Variants in CRIM1 observed in about 807,000 individuals in gnomAD.
The protein encoded by CRIM1 is cysteine-rich motor neuron 1 protein.
Under a neutral mutation model 116.4 loss-of-function variants are expected in CRIM1, and 32 were observed. The ratio of observed to expected loss-of-function variants is 0.27; its 90% CI spans 0.21 to 0.37. The LOEUF is 0.37. CRIM1 is among the 10% of genes least tolerant of loss of function. CRIM1 has a pLI of 1.00. For synonymous variants in CRIM1, 590 were observed against 509.2 expected (o/e 1.16, Z -2.13); for missense variants, 1,331 against 1,354.8 (o/e 0.98, Z 0.28).
intron 5 of CRIM1, among the ~76,000 whole-genome samples, chr2:36,475,563 TTTTAA>T (rs924988298): frequency 6.6e-6 from 1 of 152,250 alleles, no homozygotes; most frequent in Admixed American, 6.5e-5. Flanking sequence ...ATCTGGATGC[TTTTAA>T]TTTATTTATT....
chr2:36,511,450 G>C (rs1231956383), intron 9 of CRIM1, among the ~76,000 whole-genome samples: 1 of 152,146 alleles, frequency 6.6e-6, no homozygotes, highest in Non-Finnish European at 1.5e-5. Context: ...ATAAGAATAT[G>C]ATGTCAATAA....
chr2:36,359,493 G>C (rs2148270783), intron 1 of CRIM1, among the ~76,000 whole-genome samples: 1 of 152,268 alleles, frequency 6.6e-6, no homozygotes, highest in East Asian at 1.9e-4. Context: ...GCCCCTTTCA[G>C]CTTGTGGCTC....
In CRIM1 at chr2:36,356,754, C is replaced by A; in HGVS notation, c.331+131C>A. The A allele has an allele frequency of 1.1e-6, 1 of 876,780 alleles. No individual in the cohort carries two copies. Among genetic ancestry groups the A allele is most frequent in the Non-Finnish European group, 1.7e-6 (1 of 588,462 alleles). The allele number at this position is 876,780 out of a possible 1,614,324, so 54.3% of individuals were successfully genotyped here. A position where few individuals can be genotyped will look rare whatever the true frequency, so the allele number is the denominator to read the frequency against. ...TCTGCGGGAAGAGGGGCGGCCGCCG[C>A]CCCCAGGAGAGTGCCCCCGCGGCCC... On this transcript the variant is annotated intron_variant, in intron 1 of 16. Transcript: ENST00000280527. The surrounding 1 kb of genome is among the most constrained non-coding windows in gnomAD (Gnocchi z 4.3).
At chr2:36,523,223 C>G (rs1352002245) in intron 13 of CRIM1, among the ~76,000 whole-genome samples, 1 of 152,140 alleles carries the variant, frequency 6.6e-6, no homozygotes, top group Non-Finnish European at 1.5e-5. Context: ...TTGCTGCTGC[C>G]TTGAGATCAA....
chr2:36,421,578 A>T (rs893306397), intron 2 of CRIM1, among the ~76,000 whole-genome samples: 3 of 152,234 alleles, frequency 2.0e-5, no homozygotes, highest in African/African-American at 7.2e-5. Flanking sequence ...ACTCAGGGAA[A>T]GGGAATTACC....
chr2:36,501,843 G>A (rs1048851330), intron 8 of CRIM1, among the ~76,000 whole-genome samples: 1 of 152,144 alleles, frequency 6.6e-6, no homozygotes, highest in East Asian at 1.9e-4. Flanking sequence ...TTCTGTTCGG[G>A]GAAGGGTCAG....
chr2:36,452,947 C>T (rs555030127), intron 4 of CRIM1, among the ~76,000 whole-genome samples: 1 of 152,336 alleles, frequency 6.6e-6, no homozygotes, highest in South Asian at 2.1e-4. Flanking sequence ...TCTCTCCATA[C>T]CCTCTTTTGC....
intron 1 of CRIM1, among the ~76,000 whole-genome samples, chr2:36,362,371 C>T (rs1669281487): frequency 6.6e-6 from 1 of 152,138 alleles, no homozygotes; most frequent in African/African-American, 2.4e-5. Flanking sequence ...TTTCTTTTGG[C>T]AGGGGAGGTG....
At chr2:36,476,525 G>C (rs1485807104) in intron 5 of CRIM1, among the ~76,000 whole-genome samples, 1 of 152,110 alleles carries the variant, frequency 6.6e-6, no homozygotes, top group African/African-American at 2.4e-5. Context: ...TGTGGAGGCA[G>C]GATCATTCAT....
At position 36,464,725 on chromosome 2, in the gene CRIM1, T is replaced by C; in HGVS notation, c.991+70T>C. 1.9e-6 allele frequency: 3 copies of C among 1,566,060 alleles called. No individual in the cohort carries two copies. In the Admixed American group the frequency reaches 5.1e-5, roughly 26 times the overall value. ...GAGGAGGAGGAGGGAGGGTTCAACT[T>C]AGCTGCTTCTGCCTTTTACAAAGCA... On this transcript the variant is annotated intron_variant, in intron 5 of 16. Transcript: ENST00000280527.
intron 13 of CRIM1, among the ~76,000 whole-genome samples, chr2:36,528,865 T>G (rs1190191751): frequency 6.6e-6 from 1 of 152,172 alleles, no homozygotes; most frequent in Non-Finnish European, 1.5e-5. Flanking sequence ...TGATTTCAGT[T>G]TGTTTGGGTC....
chr2:36,410,744 A>G (rs1176696766), intron 2 of CRIM1, among the ~76,000 whole-genome samples: 4 of 152,162 alleles, frequency 2.6e-5, no homozygotes, highest in African/African-American at 9.7e-5. Flanking sequence ...CTTTGGAAAA[A>G]AAAAAAGTCC....
chr2:36,403,905 T>C lies in CRIM1; in HGVS notation c.505+7118T>C, dbSNP rs559918097. Among the ~76,000 whole-genome samples the C allele has an allele frequency of 2.0e-5, 3 of 152,190 alleles. No individual in the cohort carries two copies. The East Asian group carries it at 5.8e-4, about 29-fold the overall frequency. ...CTGGAACTCAGAGAGAGATCTGAGC[T>C]GGAGATAAGAATTTATGAGTCACCC... On this transcript the variant is annotated intron_variant, in intron 2 of 16. Transcript: ENST00000280527.
chr2:36,548,522 T>G lies in CRIM1; in HGVS notation c.2935-3T>G. The stretch of plus-strand genomic sequence containing the variant: ...TGGTTTTATTCCTCCTCTCATTAAA[T>G]AGCCTTCTTCCTTAAATAATCAGCT... On this transcript the variant is annotated splice_polypyrimidine_tract_variant and splice_region_variant and intron_variant, in intron 16 of 16. Transcript: ENST00000280527. 6.4e-7 allele frequency: 1 copy of G among 1,552,796 alleles called. No homozygotes were observed. Among genetic ancestry groups the G allele is most frequent in the Non-Finnish European group, 8.7e-7 (1 of 1,155,858 alleles).
intron 8 of CRIM1, among the ~76,000 whole-genome samples, chr2:36,506,175 TCTCTCTCACACA>T (rs1486385455): frequency 2.0e-4 from 17 of 84,578 alleles, no homozygotes; most frequent in Admixed American, 1.4e-3. Flanking sequence ...TCTCTCTCTC[TCTCTCTCACACA>T]CACACACACA....
At chr2:36,521,596 C>T (rs915567838) in intron 12 of CRIM1, among the ~76,000 whole-genome samples, 6 of 152,194 alleles carry the variant, frequency 3.9e-5, no homozygotes, top group Non-Finnish European at 7.3e-5. Context: ...CCGTGATCAA[C>T]GCACTCCTAT....
intron 1 of CRIM1, among the ~76,000 whole-genome samples, chr2:36,381,601 A>G (rs1413328674): frequency 1.3e-5 from 2 of 152,214 alleles, no homozygotes; most frequent in Non-Finnish European, 2.9e-5. Flanking sequence ...GAAACCAAGT[A>G]TATTAGAAAG....
chr2:36,440,088 T>A (rs1675676936), intron 2 of CRIM1, among the ~76,000 whole-genome samples: 1 of 152,148 alleles, frequency 6.6e-6, no homozygotes, highest in South Asian at 2.1e-4. Context: ...GGCATGGTTT[T>A]AAAAAGAGAT....
chr2:36,542,852 G>T (rs188778054), intron 14 of CRIM1, among the ~76,000 whole-genome samples: 1 of 152,146 alleles, frequency 6.6e-6, no homozygotes, highest in East Asian at 1.9e-4. Flanking sequence ...CACACCTCCC[G>T]GAATCACCTA....
Sources: gnomAD v4.1 joint callset for allele counts (sites outside exome capture counted in the v4.1 genomes callset) on GRCh38, gnomAD v4.1.1 for gene constraint, Gnocchi (gnomAD v3.1) non-coding constraint, MANE v1.5 for transcripts, NCBI Gene and HGNC (gene_info 2026-07-23, HGNC 2026-07-21) for gene names.